The following SCAPER variants were observed in gnomAD, a reference collection of about 807,000 sequenced individuals.
SCAPER encodes the protein S-phase cyclin A associated protein in the ER.
In SCAPER, 98 loss-of-function variants were observed where a neutral mutation model predicts 182.2. The observed-to-expected ratio is 0.54, with a 90% CI of 0.46 to 0.64. The LOEUF is 0.64. Among genes scored for constraint, SCAPER ranks in the 30% least tolerant of loss-of-function variants. SCAPER has a pLI of 0.00. For synonymous variants in SCAPER, 605 were observed against 564.6 expected (o/e 1.07, Z -1.01); for missense variants, 1,432 against 1,690.0 (o/e 0.85, Z 2.68).
intron 22 of SCAPER, among the ~76,000 whole-genome samples, chr15:76,574,818 T>C (rs951499130): frequency 6.6e-6 from 1 of 152,186 alleles, no homozygotes; most frequent in African/African-American, 2.4e-5. Context: ...ACATTATACC[T>C]AGACTGTAAG....
At chr15:76,675,387 G>A (rs1304114605) in intron 20 of SCAPER, among the ~76,000 whole-genome samples, 1 of 152,178 alleles carries the variant, frequency 6.6e-6, no homozygotes, top group East Asian at 1.9e-4. Context: ...ATAAGGATAG[G>A]AGAAAACAAT....
At chr15:76,365,271 A>T (rs1409989870) in intron 29 of SCAPER, among the ~76,000 whole-genome samples, 1 of 152,230 alleles carries the variant, frequency 6.6e-6, no homozygotes, top group African/African-American at 2.4e-5. Context: ...AAGCTGATAA[A>T]TGAGAGAAGG....
chr15:76,798,096 G>A (rs1051453831), intron 7 of SCAPER, among the ~76,000 whole-genome samples: 1 of 152,018 alleles, frequency 6.6e-6, no homozygotes, highest in African/African-American at 2.4e-5. Flanking sequence ...ACAGTAGCTT[G>A]TACCTGTAAT....
intron 8 of SCAPER, among the ~76,000 whole-genome samples, chr15:76,794,024 C>T (rs2151467080): frequency 6.6e-6 from 1 of 152,356 alleles, no homozygotes; most frequent in Non-Finnish European, 1.5e-5. Context: ...TCAGAGGTCA[C>T]AGAAGTCTTC....
chr15:76,636,411 T>C (rs1256423064), intron 21 of SCAPER, among the ~76,000 whole-genome samples: 1 of 151,874 alleles, frequency 6.6e-6, no homozygotes, highest in Non-Finnish European at 1.5e-5. Flanking sequence ...CCCCAACTGT[T>C]CTCCCTTTCC....
At chr15:76,624,103 T>C (rs1220846521) in intron 21 of SCAPER, among the ~76,000 whole-genome samples, 2 of 152,178 alleles carry the variant, frequency 1.3e-5, no homozygotes, top group African/African-American at 4.8e-5. Flanking sequence ...ATAAGTCAAA[T>C]TATCTCTCTT....
intron 20 of SCAPER, among the ~76,000 whole-genome samples, chr15:76,696,854 T>C (rs1317475159): frequency 6.6e-6 from 1 of 152,160 alleles, no homozygotes; most frequent in African/African-American, 2.4e-5. Context: ...AGGAAACAAA[T>C]CAAACATAAA....
In SCAPER at chr15:76,359,520, T is replaced by C. The variant is rs144590385; in HGVS notation, c.3856-5380A>G. Among the ~76,000 whole-genome samples the C allele has an allele frequency of 9.1e-4, 139 of 152,278 alleles. 1 individual carries two copies. The East Asian group carries it at 0.021, about 23-fold the overall frequency. On this transcript the variant is annotated intron_variant, in intron 29 of 31. Transcript: ENST00000563290. Reference sequence around the variant, plus strand: ...AAACAGTGGCTTAACTTACTGTGCATGTGTGTGTTTTGAAGCTATTGTGTT... The same window carrying C: ...AAACAGTGGCTTAACTTACTGTGCACGTGTGTGTTTTGAAGCTATTGTGTT...
chr15:76,364,755 A>G (rs1044912234), intron 29 of SCAPER, among the ~76,000 whole-genome samples: 1 of 151,952 alleles, frequency 6.6e-6, no homozygotes, highest in Admixed American at 6.6e-5. Context: ...CATTCTCCAT[A>G]TCCGGGACTT....
chr15:76,357,731 G>A (rs150560649), intron 29 of SCAPER, among the ~76,000 whole-genome samples: 3 of 152,130 alleles, frequency 2.0e-5, no homozygotes, highest in Admixed American at 6.5e-5. Context: ...GGTATGTATG[G>A]GCATATATAA....
At chr15:76,462,047 C>A (rs1254802941) in intron 25 of SCAPER, among the ~76,000 whole-genome samples, 1 of 152,150 alleles carries the variant, frequency 6.6e-6, no homozygotes, top group African/African-American at 2.4e-5. Flanking sequence ...TGTAGCTTTT[C>A]TCCTCCTGAA....
intron 24 of SCAPER, among the ~76,000 whole-genome samples, chr15:76,504,020 G>A (rs1048718948): frequency 1.3e-5 from 2 of 151,906 alleles, no homozygotes; most frequent in Non-Finnish European, 2.9e-5. Flanking sequence ...CTGAGTAGCT[G>A]GGACTACAGG....
At chr15:76,673,552 A>C (rs1186694754) in intron 20 of SCAPER, among the ~76,000 whole-genome samples, 1 of 152,118 alleles carries the variant, frequency 6.6e-6, no homozygotes, top group East Asian at 1.9e-4. Flanking sequence ...TGAGAACCTG[A>C]TATTTGGTAT....
At chr15:76,882,639 C>A (rs2151955660) in intron 2 of SCAPER, among the ~76,000 whole-genome samples, 1 of 152,282 alleles carries the variant, frequency 6.6e-6, no homozygotes, top group South Asian at 2.1e-4. Context: ...TAAGAGCATA[C>A]AACAAATAGA....
At chr15:76,730,231 T>A (rs2151032582) in intron 16 of SCAPER, among the ~76,000 whole-genome samples, 1 of 152,144 alleles carries the variant, frequency 6.6e-6, no homozygotes, top group South Asian at 2.1e-4. Flanking sequence ...ACAAGCTCTA[T>A]CTGCCCCAGG....
chr15:76,857,911 T>C (rs1247780083), intron 3 of SCAPER, 32 bp from the exon 4 acceptor site: 2 of 1,395,186 alleles, frequency 1.4e-6, no homozygotes, highest in African/African-American at 2.9e-5. Context: ...AATATGTAGA[T>C]ATACAGAATG....
At chr15:76,781,835 T>G (rs1216302790) in intron 8 of SCAPER, among the ~76,000 whole-genome samples, 3 of 152,142 alleles carry the variant, frequency 2.0e-5, no homozygotes, top group Non-Finnish European at 4.4e-5. Context: ...GACAAGCAAA[T>G]GCTGAGAGAT....
chr15:76,701,688 T>C, intron 20 of SCAPER, 70 bp downstream of exon 20: 1 of 1,183,282 alleles, frequency 8.5e-7, no homozygotes, highest in Non-Finnish European at 1.2e-6. Flanking sequence ...AAACACGGAA[T>C]TCTTTATAAT....
At chr15:76,875,693 C>T (rs953203088) in intron 2 of SCAPER, among the ~76,000 whole-genome samples, 3 of 152,124 alleles carry the variant, frequency 2.0e-5, no homozygotes, top group Non-Finnish European at 2.9e-5. Context: ...ACAGCGTGTC[C>T]GGAGTTTGTT....
Sources: allele counts gnomAD v4.1 joint callset (sites outside exome capture counted in the v4.1 genomes callset), GRCh38; gene constraint gnomAD v4.1.1; transcripts MANE v1.5; gene names NCBI Gene and HGNC (gene_info 2026-07-23, HGNC 2026-07-21).